Variants in ARHGAP24 observed in about 807,000 individuals in gnomAD.
ARHGAP24 encodes rho GTPase-activating protein 24.
In ARHGAP24, 50 loss-of-function variants were observed where a neutral mutation model predicts 76.4. That is an observed-to-expected ratio of 0.65 (90% CI 0.52 to 0.83). The LOEUF (loss-of-function observed/expected upper bound fraction) is 0.83, where lower values mean the gene tolerates loss of function less well. ARHGAP24 is among the 40% of genes least tolerant of loss of function. The pLI is 0.00. For synonymous variants in ARHGAP24, 345 were observed against 323.3 expected (o/e 1.07, Z -0.72); for missense variants, 930 against 914.2 (o/e 1.02, Z -0.22).
chr4:85,486,875 A>C (rs1208891801), intron 1 of ARHGAP24, among the ~76,000 whole-genome samples: 1 of 151,986 alleles, frequency 6.6e-6, no homozygotes, highest in Non-Finnish European at 1.5e-5. Context: ...GCTGTACAAT[A>C]TACTGAGTAG....
intron 3 of ARHGAP24, chr4:85,723,259 T>G (rs978643369): frequency 6.6e-6 from 1 of 152,230 alleles, no homozygotes; most frequent in Non-Finnish European, 1.5e-5. Flanking sequence ...GATGGTTGAC[T>G]CTTTATCTCC....
At chr4:85,993,783 GAGAAGATTAGAGCA>G in intron 8 of ARHGAP24, among the ~76,000 whole-genome samples, 1 of 152,264 alleles carries the variant, frequency 6.6e-6, no homozygotes, top group Non-Finnish European at 1.5e-5. Context: ...AGGAGAGGAG[GAGAAGATTAGAGCA>G]AGTTAAAACG....
intron 2 of ARHGAP24, among the ~76,000 whole-genome samples, chr4:85,589,924 A>C (rs997310502): frequency 1.3e-5 from 2 of 152,230 alleles, no homozygotes; most frequent in Non-Finnish European, 2.9e-5. Flanking sequence ...CCATTGCTGC[A>C]CATTGCAAAT....
chr4:85,987,839 T>G (rs1740095057), intron 8 of ARHGAP24, among the ~76,000 whole-genome samples: 1 of 151,684 alleles, frequency 6.6e-6, no homozygotes, highest in East Asian at 1.9e-4. Context: ...TCTCAGAAGC[T>G]CAGAATTAAC....
chr4:85,928,387 T>C (rs2148815204), intron 4 of ARHGAP24, among the ~76,000 whole-genome samples: 1 of 152,226 alleles, frequency 6.6e-6, no homozygotes, highest in African/African-American at 2.4e-5. Context: ...TTTGAGGCAA[T>C]ATTTATGGAA....
rs192289534 is a variant in ARHGAP24, at chr4:85,823,866, C to T, written c.269-99782C>T. Among the ~76,000 whole-genome samples the T allele has an allele frequency of 8.6e-5, 13 of 151,762 alleles. No homozygotes were observed. In the East Asian group the frequency reaches 2.5e-3, roughly 29 times the overall value. Reference sequence around the variant, plus strand: ...CCCTCCCTTCCCTCCCCTCCCCTCCCCTCCCCTTTCTTCCCTTTCTTTCTT... The same window carrying T: ...CCCTCCCTTCCCTCCCCTCCCCTCCTCTCCCCTTTCTTCCCTTTCTTTCTT... On this transcript the variant is annotated intron_variant, in intron 3 of 9. Coordinates refer to ENST00000395184, the MANE Select transcript of ARHGAP24 (RefSeq NM_001025616.3).
At chr4:85,780,125 T>C (rs1727476969) in intron 3 of ARHGAP24, among the ~76,000 whole-genome samples, 1 of 152,096 alleles carries the variant, frequency 6.6e-6, no homozygotes, top group South Asian at 2.1e-4. Context: ...TATATAAGGC[T>C]ATTAATTCTT....
At chr4:85,500,955 G>A (rs1219869857) in intron 1 of ARHGAP24, among the ~76,000 whole-genome samples, 2 of 144,114 alleles carry the variant, frequency 1.4e-5, no homozygotes, top group Non-Finnish European at 3.0e-5. Flanking sequence ...CCACCTACAA[G>A]TGAGAACATG....
chr4:85,876,881 A>G (rs1490937987), intron 3 of ARHGAP24, among the ~76,000 whole-genome samples: 1 of 152,196 alleles, frequency 6.6e-6, no homozygotes, highest in Non-Finnish European at 1.5e-5. Flanking sequence ...TACTTTAAAA[A>G]ACAGCTGCAC....
intron 2 of ARHGAP24, among the ~76,000 whole-genome samples, chr4:85,663,775 C>A (rs62315282): frequency 0.093 from 13,524 of 146,046 alleles, 867 homozygotes; most frequent in East Asian, 0.27. Flanking sequence ...TATTGAGATA[C>A]TCATGTGGTT....
intron 2 of ARHGAP24, among the ~76,000 whole-genome samples, chr4:85,612,848 T>C (rs1256335265): frequency 1.4e-5 from 2 of 138,064 alleles, no homozygotes; most frequent in East Asian, 5.2e-4. Flanking sequence ...CCCAGGCTGC[T>C]GGTGCAGTGG....
intron 1 of ARHGAP24, among the ~76,000 whole-genome samples, chr4:85,516,171 C>T (rs1191196584): frequency 6.6e-6 from 1 of 152,174 alleles, no homozygotes; most frequent in Non-Finnish European, 1.5e-5. Context: ...TAGTCCCAGT[C>T]TAAGTGAGTG....
At chr4:85,918,802 T>C (rs1735560199) in intron 3 of ARHGAP24, among the ~76,000 whole-genome samples, 1 of 152,180 alleles carries the variant, frequency 6.6e-6, no homozygotes, top group Non-Finnish European at 1.5e-5. Flanking sequence ...AATTGAATGA[T>C]GTGGCCAACT....
chr4:85,644,328 G>A (rs538866845), intron 2 of ARHGAP24, among the ~76,000 whole-genome samples: 20 of 152,174 alleles, frequency 1.3e-4, no homozygotes, highest in African/African-American at 4.6e-4. Flanking sequence ...CATCACATTG[G>A]TTTTAAGACT....
At chr4:85,639,850 G>C (rs1721458999) in intron 2 of ARHGAP24, among the ~76,000 whole-genome samples, 1 of 152,122 alleles carries the variant, frequency 6.6e-6, no homozygotes, top group African/African-American at 2.4e-5. Flanking sequence ...GCCATGATGG[G>C]AGTTTGAAAG....
At chr4:85,510,656 C>G (rs903534935) in intron 1 of ARHGAP24, among the ~76,000 whole-genome samples, 2 of 149,602 alleles carry the variant, frequency 1.3e-5, no homozygotes, top group Non-Finnish European at 3.0e-5. Context: ...GGAGCCTCCT[C>G]TCCCCTCTCC....
At chr4:85,655,818 A>AAGAGAGAGAG (rs70948743) in intron 2 of ARHGAP24, among the ~76,000 whole-genome samples, 1 of 35,506 alleles carries the variant, frequency 2.8e-5, no homozygotes, top group Non-Finnish European at 5.1e-5. Context: ...GAGAGAGAGA[A>AAGAGAGAGAG]AGAGAGAGAG....
At chr4:85,582,119 C>T (rs1727638764) in intron 2 of ARHGAP24, among the ~76,000 whole-genome samples, 1 of 152,062 alleles carries the variant, frequency 6.6e-6, no homozygotes, top group Admixed American at 6.6e-5. Flanking sequence ...ATTTGCATTG[C>T]AATATCCAAA....
At chr4:85,978,749 C>T (rs1024045367) in intron 8 of ARHGAP24, among the ~76,000 whole-genome samples, 2 of 152,048 alleles carry the variant, frequency 1.3e-5, no homozygotes, top group African/African-American at 4.8e-5. Flanking sequence ...TTATATAAAA[C>T]AAGTCCTCTA....
Sources: gnomAD v4.1 joint callset for allele counts (sites outside exome capture counted in the v4.1 genomes callset) on GRCh38, gnomAD v4.1.1 for gene constraint, MANE v1.5 for transcripts, NCBI Gene and HGNC (gene_info 2026-07-23, HGNC 2026-07-21) for gene names.